PGD: variants seen among roughly 807,000 people sequenced by gnomAD.
PGD encodes the protein phosphogluconate dehydrogenase, also known as 6-phosphogluconate dehydrogenase, decarboxylating.
A neutral mutation model predicts 60.4 loss-of-function variants in PGD; 21 were observed. The ratio of observed to expected loss-of-function variants is 0.35; its 90% CI spans 0.25 to 0.50. PGD has a LOEUF of 0.50. PGD is among the 20% of genes least tolerant of loss of function. The probability of loss-of-function intolerance (pLI) is 0.98; values close to 1 mark genes in which losing one functional copy is unlikely to be tolerated. For missense variants in PGD, 477 were observed against 613.1 expected (o/e 0.78, Z 2.34); for synonymous variants, 230 against 235.9 (o/e 0.97, Z 0.23).
Position 10,411,361 on chromosome 1 carries a change from T to C in PGD, c.520-57T>C, listed in dbSNP as rs534790494. 31 of 1,599,430 alleles carry C rather than the reference T, an allele frequency of 1.9e-5. No individual in the cohort carries two copies. In the African/African-American group the frequency reaches 3.6e-4, roughly 19 times the overall value. On this transcript the variant is annotated intron_variant, in intron 6 of 12. Coordinates refer to ENST00000270776, the MANE Select transcript of PGD (RefSeq NM_002631.4). ...TGTTGGCATGAAAGCTGATGTGGAC[T>C]TCTCTGATGTGTCGCCTGTTTCTCT...
At position 10,413,271 on chromosome 1, in the gene PGD, A is replaced by T. The variant is rs758819700; in HGVS notation, c.844+20A>T. On this transcript the variant is annotated intron_variant, in intron 8 of 12. Coordinates refer to ENST00000270776, the MANE Select transcript of PGD (RefSeq NM_002631.4). ...TCATTGGTAATGTTATGCTTTTCAC[A>T]TGGGCCCTTTCGTCCACTATTCTGA... The T allele has an allele frequency of 6.2e-7, 1 of 1,605,746 alleles. No homozygotes were observed. Among genetic ancestry groups the T allele is most frequent in the Non-Finnish European group, 8.5e-7 (1 of 1,173,046 alleles).
chr1:10,416,965 T>A lies in PGD; in HGVS notation c.845-22T>A, dbSNP rs767398885. On this transcript the variant is annotated intron_variant, in intron 8 of 12. Coordinates refer to ENST00000270776, the MANE Select transcript of PGD (RefSeq NM_002631.4). ...AGAGGCCTGACAGTAATCTGTTTCC[T>A]CTTCCCGATCTCCCCATGTAGGAGA... is the stretch of plus-strand genomic sequence containing the variant. 71 of 1,611,000 alleles carry A rather than the reference T, an allele frequency of 4.4e-5. 2 individuals are homozygous for A. In the South Asian group the frequency reaches 7.0e-4, roughly 16 times the overall value.
At chr1:10,407,426 G>A (rs991880710) in intron 5 of PGD, among the ~76,000 whole-genome samples, 1 of 152,140 alleles carries the variant, frequency 6.6e-6, no homozygotes, top group Non-Finnish European at 1.5e-5. Context: ...CTCCAGCCTG[G>A]GCAACAGAGT....
chr1:10,411,995 T>C (rs938236966), intron 7 of PGD, among the ~76,000 whole-genome samples: 1 of 152,164 alleles, frequency 6.6e-6, no homozygotes, highest in Non-Finnish European at 1.5e-5. Flanking sequence ...AGCACAGAAG[T>C]TTGAGAGTTT....
rs1302547602 is a variant in PGD, at chr1:10,419,012, G to T, written c.1209+87G>T. The T allele has an allele frequency of 6.1e-5, 49 of 803,074 alleles. 1 individual carries two copies. Among genetic ancestry groups the T allele is most frequent in the African/African-American group, 2.5e-4 (14 of 55,712 alleles). 49.7% of individuals were successfully genotyped at this position (803,074 alleles called of 1,614,324 possible). On this transcript the variant is annotated intron_variant, in intron 11 of 12. Transcript: ENST00000270776. ...TTTGGTTTTTTGTTTTTTTTTTTTGGTTTTTTGTTTTTTTGAGACAGAGTC... is the reference window on the plus strand; with the variant it reads ...TTTGGTTTTTTGTTTTTTTTTTTTGTTTTTTTGTTTTTTTGAGACAGAGTC...
chr1:10,415,376 C>G (rs781478067), intron 8 of PGD: 1 of 152,216 alleles, frequency 6.6e-6, no homozygotes, highest in Non-Finnish European at 1.5e-5. Context: ...TTATTCATCA[C>G]GGACTCAAGT....
chr1:10,413,834 G>A (rs1639546836), intron 8 of PGD, among the ~76,000 whole-genome samples: 1 of 152,114 alleles, frequency 6.6e-6, no homozygotes, highest in Non-Finnish European at 1.5e-5. Context: ...GAACCTGGGA[G>A]GCAGAGTTTG....
At chr1:10,404,433 T>TG (rs1465486723) in intron 5 of PGD, among the ~76,000 whole-genome samples, 154 bp downstream of exon 5, 1 of 152,162 alleles carries the variant, frequency 6.6e-6, no homozygotes, top group African/African-American at 2.4e-5. Context: ...GACATTTTGT[T>TG]GCTTTGATAT....
Position 10,413,207 on chromosome 1 carries a change from C to G in PGD, c.800C>G (p.Thr267Ser). 6.2e-7 allele frequency: 1 copy of G among 1,614,196 alleles called. No individual in the cohort carries two copies. Among genetic ancestry groups the G allele is most frequent in the South Asian group, 1.1e-5 (1 of 91,080 alleles). ...GGGCAGAAGGGCACAGGGAAGTGGA[C>G]CGCCATCTCCGCCCTGGAATACGGC... ...SAGQKGTGKW[T>S]AISALEYGVP... The change falls in exon 8 of 13, where the codon ACC becomes AGC. Residue 267 changes from threonine to serine, a missense_variant. Thr to Ser is a moderately conservative substitution (Grantham distance 58). Around this residue, in one of 3 missense-constraint regions of PGD, gnomAD observed 431 missense variants for 556.6 expected, o/e 0.77. Coordinates refer to ENST00000270776, the MANE Select transcript of PGD (RefSeq NM_002631.4).
At chr1:10,401,939 C>T (rs1325935197) in intron 3 of PGD, among the ~76,000 whole-genome samples, 3 of 151,406 alleles carry the variant, frequency 2.0e-5, no homozygotes, top group Non-Finnish European at 4.4e-5. Flanking sequence ...GGCGTGAACC[C>T]GGGAGGCAGA....
chr1:10,403,576 G>C (rs1333920967), intron 4 of PGD, among the ~76,000 whole-genome samples: 1 of 121,858 alleles, frequency 8.2e-6, no homozygotes, highest in Non-Finnish European at 1.6e-5. Context: ...GGGCGACAGA[G>C]TGAAACTCCA....
At chr1:10,401,041 C>A (rs1290930330) in intron 3 of PGD, among the ~76,000 whole-genome samples, 1 of 152,098 alleles carries the variant, frequency 6.6e-6, no homozygotes, top group African/African-American at 2.4e-5. Flanking sequence ...CCCGTCTCTA[C>A]TAAAAATATA....
At chr1:10,413,753 A>C (rs1416725968) in intron 8 of PGD, among the ~76,000 whole-genome samples, 1 of 152,126 alleles carries the variant, frequency 6.6e-6, no homozygotes, top group Non-Finnish European at 1.5e-5. Flanking sequence ...AAAATACAAA[A>C]AATTAGCCAG....
At chr1:10,410,494 A>G (rs1639482021) in intron 6 of PGD, among the ~76,000 whole-genome samples, 1 of 151,784 alleles carries the variant, frequency 6.6e-6, no homozygotes, top group South Asian at 2.1e-4. Context: ...CGTCAGTTAT[A>G]CAACTGACGG....
In PGD at chr1:10,419,924, T is replaced by C; in HGVS notation, c.*175T>C. Reference sequence around the variant, plus strand: ...TAAAGTAGCTCTGTGAGAGCCACCATGCCCTCTGCCCTTGCCTCTTGGGAC... The same window carrying C: ...TAAAGTAGCTCTGTGAGAGCCACCACGCCCTCTGCCCTTGCCTCTTGGGAC... On this transcript the variant is annotated 3_prime_UTR_variant, in exon 13 of 13. Transcript: ENST00000270776. 1.4e-6 allele frequency: 1 copy of C among 693,300 alleles called. No individual in the cohort carries two copies. The highest frequency in any genetic ancestry group is 2.8e-5 in the East Asian group (1 of 35,290). The allele number at this position is 693,300 out of a possible 1,614,324, so 42.9% of individuals were successfully genotyped here.
chr1:10,399,117 C>T lies in PGD; in HGVS notation c.-1C>T, dbSNP rs1639263395. 6.2e-7 allele frequency: 1 copy of T among 1,609,816 alleles called. No homozygotes were observed. Among genetic ancestry groups the T allele is most frequent in the Non-Finnish European group, 8.5e-7 (1 of 1,179,702 alleles). On this transcript the variant is annotated 5_prime_UTR_variant, in exon 1 of 13. Coordinates refer to ENST00000270776, the MANE Select transcript of PGD (RefSeq NM_002631.4). ...TCTTCGGTTCTGCTCTGTCCGCCGCCATGGCCCAGTGAGTGACTCGCCAGG... is the reference window on the plus strand; with the variant it reads ...TCTTCGGTTCTGCTCTGTCCGCCGCTATGGCCCAGTGAGTGACTCGCCAGG...
At chr1:10,418,980 T>TG (rs1396859589) in intron 11 of PGD, 55 bp downstream of exon 11, 1 of 987,956 alleles carries the variant, frequency 1.0e-6, no homozygotes, top group Non-Finnish European at 1.6e-6. Context: ...GGCCATCAGT[T>TG]GTGATGTTTG....
chr1:10,400,928 C>T (rs1451530120), intron 3 of PGD, among the ~76,000 whole-genome samples: 1 of 152,116 alleles, frequency 6.6e-6, no homozygotes, highest in Non-Finnish European at 1.5e-5. Context: ...CCTGTCTCTA[C>T]ATAAAATTAA....
intron 2 of PGD, chr1:10,400,024 G>GC: frequency 6.6e-6 from 3 of 453,604 alleles, no homozygotes; most frequent in South Asian, 3.0e-5. Context: ...TGCCTGATGA[G>GC]ATCTGGGGAG....
Sources: allele counts gnomAD v4.1 joint callset (sites outside exome capture counted in the v4.1 genomes callset), GRCh38; gene constraint gnomAD v4.1.1; regional missense constraint gnomAD v4.1.1; transcripts MANE v1.5; gene names NCBI Gene and HGNC (gene_info 2026-07-23, HGNC 2026-07-21).